Variants in CACNA2D3 observed in about 807,000 individuals in gnomAD.
CACNA2D3 encodes voltage-dependent calcium channel subunit alpha-2/delta-3.
CACNA2D3 carries 60 observed loss-of-function variants against 160.6 expected under a neutral mutation model. That is an observed-to-expected ratio of 0.37 (90% CI 0.30 to 0.46). The LOEUF is 0.46. CACNA2D3 is among the 20% of genes least tolerant of loss of function. The probability of loss-of-function intolerance (pLI) is 1.00; values close to 1 mark genes in which losing one functional copy is unlikely to be tolerated. For synonymous variants in CACNA2D3, 558 were observed against 492.9 expected (o/e 1.13, Z -1.75); for missense variants, 1,205 against 1,365.0 (o/e 0.88, Z 1.85).
At chr3:54,950,221 T>C (rs776990710) in intron 27 of CACNA2D3, among the ~76,000 whole-genome samples, 16 of 152,368 alleles carry the variant, frequency 1.1e-4, no homozygotes, top group Non-Finnish European at 2.1e-4. Context: ...AACTTCAACA[T>C]GCTCAAGCAA....
chr3:54,626,737 C>A, intron 9 of CACNA2D3: 1 of 681,230 alleles, frequency 1.5e-6, no homozygotes, highest in Non-Finnish European at 2.5e-6. Context: ...GTTCGGAATG[C>A]AGTGACTGGA....
chr3:55,064,268 C>T (rs945727685), intron 35 of CACNA2D3, among the ~76,000 whole-genome samples: 1 of 152,216 alleles, frequency 6.6e-6, no homozygotes, highest in African/African-American at 2.4e-5. Context: ...CATCAAATAC[C>T]AAATACTTAG....
intron 2 of CACNA2D3, among the ~76,000 whole-genome samples, chr3:54,215,641 C>A (rs891899241): frequency 2.0e-5 from 3 of 152,172 alleles, no homozygotes; most frequent in African/African-American, 7.2e-5. Flanking sequence ...GAGGTGGGGC[C>A]ATGCATCCTT....
rs531438801 is a variant in CACNA2D3, at chr3:54,459,220, T to C, written c.382-44272T>C. Among the ~76,000 whole-genome samples, 40 of 152,120 alleles carry C rather than the reference T, an allele frequency of 2.6e-4. No individual in the cohort carries two copies. In the East Asian group the frequency reaches 5.2e-3, roughly 20 times the overall value. On this transcript the variant is annotated intron_variant, in intron 4 of 37. Transcript: ENST00000474759. Reference sequence around the variant, plus strand: ...AAGTCTTTGCTATTGTGGATAGTGCTGCAATAAACATATGTGTGCATGTGT... The same window carrying C: ...AAGTCTTTGCTATTGTGGATAGTGCCGCAATAAACATATGTGTGCATGTGT...
At chr3:54,251,507 C>T (rs918955394) in intron 2 of CACNA2D3, among the ~76,000 whole-genome samples, 1 of 152,160 alleles carries the variant, frequency 6.6e-6, no homozygotes, top group Non-Finnish European at 1.5e-5. Flanking sequence ...CTCTCATCTG[C>T]CACTGTTTTT....
At chr3:54,266,932 C>T (rs1285766477) in intron 2 of CACNA2D3, among the ~76,000 whole-genome samples, 1 of 152,040 alleles carries the variant, frequency 6.6e-6, no homozygotes, top group African/African-American at 2.4e-5. Flanking sequence ...TTTTGCAACA[C>T]TTCTCTGTCT....
chr3:54,803,647 T>G (rs6445706), intron 13 of CACNA2D3, among the ~76,000 whole-genome samples: 32,693 of 152,082 alleles, frequency 0.21, 3,626 homozygotes, highest in African/African-American at 0.25. Context: ...TATGATCCAG[T>G]AGAACTTCCC....
intron 3 of CACNA2D3, among the ~76,000 whole-genome samples, chr3:54,328,956 T>A (rs1704182226): frequency 6.6e-6 from 1 of 152,144 alleles, no homozygotes; most frequent in Non-Finnish European, 1.5e-5. Context: ...CCCAGGGTGT[T>A]TCAGCCTCCC....
At chr3:54,158,615 G>GT (rs951313299) in intron 2 of CACNA2D3, among the ~76,000 whole-genome samples, 6 of 151,958 alleles carry the variant, frequency 3.9e-5, no homozygotes, top group African/African-American at 1.5e-4. Context: ...GCTAATAATT[G>GT]TTTTTTTTCC....
At chr3:54,760,426 T>A (rs1407755456) in intron 12 of CACNA2D3, among the ~76,000 whole-genome samples, 1 of 151,706 alleles carries the variant, frequency 6.6e-6, no homozygotes, top group Non-Finnish European at 1.5e-5. Flanking sequence ...AGGGATGAGG[T>A]CACCCAGGTA....
intron 5 of CACNA2D3, among the ~76,000 whole-genome samples, chr3:54,521,470 A>C (rs58812035): frequency 6.6e-6 from 1 of 152,138 alleles, no homozygotes; most frequent in Non-Finnish European, 1.5e-5. Flanking sequence ...ATGATTTGCA[A>C]ATATTTTCTC....
At chr3:54,881,179 T>G (rs1699788007) in intron 21 of CACNA2D3, among the ~76,000 whole-genome samples, 1 of 152,098 alleles carries the variant, frequency 6.6e-6, no homozygotes, top group Non-Finnish European at 1.5e-5. Context: ...TATCAGTAAA[T>G]AGGAATCATC....
chr3:54,170,419 CAGTT>C (rs2107309955), intron 2 of CACNA2D3, among the ~76,000 whole-genome samples: 1 of 152,248 alleles, frequency 6.6e-6, no homozygotes, highest in South Asian at 2.1e-4. Flanking sequence ...ATATAATTAA[CAGTT>C]AGTGTATATG....
intron 2 of CACNA2D3, among the ~76,000 whole-genome samples, chr3:54,306,797 C>G (rs1304733124): frequency 6.6e-6 from 1 of 152,100 alleles, no homozygotes; most frequent in Non-Finnish European, 1.5e-5. Context: ...CTGGGAGATG[C>G]CAGGCTATGT....
intron 2 of CACNA2D3, among the ~76,000 whole-genome samples, chr3:54,273,999 A>T (rs193228810): frequency 0.044 from 6,714 of 152,068 alleles, 540 homozygotes; most frequent in African/African-American, 0.15. Context: ...GAGATGTTTG[A>T]GTGGGCGTAT....
At chr3:54,255,640 C>T (rs527603478) in intron 2 of CACNA2D3, among the ~76,000 whole-genome samples, 12 of 152,234 alleles carry the variant, frequency 7.9e-5, no homozygotes, top group African/African-American at 2.2e-4. Flanking sequence ...CTCCCATTGC[C>T]GGTAACAAAA....
chr3:54,768,610 G>A (rs1365593629), intron 13 of CACNA2D3, among the ~76,000 whole-genome samples: 1 of 152,164 alleles, frequency 6.6e-6, no homozygotes, highest in Admixed American at 6.5e-5. Flanking sequence ...AGTCTCTGAA[G>A]TCTTTTGCTT....
At chr3:54,301,731 T>C (rs1703481137) in intron 2 of CACNA2D3, among the ~76,000 whole-genome samples, 1 of 152,134 alleles carries the variant, frequency 6.6e-6, no homozygotes, top group Admixed American at 6.5e-5. Context: ...TGTGCACACA[T>C]GGGCGCACAC....
intron 11 of CACNA2D3, among the ~76,000 whole-genome samples, chr3:54,657,349 CCTT>C (rs1464223772): frequency 4.6e-5 from 7 of 152,130 alleles, no homozygotes; most frequent in Middle Eastern, 3.4e-3. Context: ...TCCTTGTGTC[CCTT>C]CTTTTTTGTT....
Sources: allele counts gnomAD v4.1 joint callset (sites outside exome capture counted in the v4.1 genomes callset), GRCh38; gene constraint gnomAD v4.1.1; transcripts MANE v1.5; gene names NCBI Gene and HGNC (gene_info 2026-07-23, HGNC 2026-07-21).